Variants in ZNF207 observed in about 807,000 individuals in gnomAD.
ZNF207 encodes BUB3-interacting and GLEBS motif-containing protein ZNF207.
A neutral mutation model predicts 60.2 loss-of-function variants in ZNF207; 24 were observed. That is an observed-to-expected ratio of 0.40 (90% confidence interval 0.29 to 0.56). ZNF207 has a LOEUF of 0.56. ZNF207 is among the 20% of genes least tolerant of loss of function. The pLI is 0.49. For missense variants in ZNF207, 452 were observed against 636.6 expected (o/e 0.71, Z 3.12); for synonymous variants, 236 against 194.7 (o/e 1.21, Z -1.77).
At chr17:32,354,194 G>A (rs1205686384) in intron 2 of ZNF207, among the ~76,000 whole-genome samples, 3 of 152,102 alleles carry the variant, frequency 2.0e-5, no homozygotes, top group Non-Finnish European at 4.4e-5. Context: ...TGCACAGGCT[G>A]GTCGCCCAAC....
Position 32,361,513 on chromosome 17 carries a change from CAT to C in ZNF207, c.598_599del (p.Ile200AsnfsTer50). ...ACACCCAGTCATTTTGCGGTGAAAA[CAT>C]GTAAGCATCTCATTCATAATGTAAT... ...KYTQSFCGEN[I>X]MMPMGGMMPP... On this transcript the variant is annotated frameshift_variant and splice_region_variant, in exon 6 of 12. Transcript: ENST00000394670. LOFTEE classifies it high-confidence loss of function. 6.2e-7 allele frequency: 1 copy of C among 1,606,880 alleles called. No individual in the cohort carries two copies. The highest frequency in any genetic ancestry group is 8.5e-7 in the Non-Finnish European group (1 of 1,176,254).
At position 32,375,738 on chromosome 17, in the gene ZNF207, T is replaced by G. The variant is rs1421766075; in HGVS notation, c.*5979T>G. 3.3e-5 allele frequency: 5 copies of G among 152,154 alleles called. No individual in the cohort carries two copies. The highest frequency in any genetic ancestry group is 9.6e-5 in the African/African-American group (4 of 41,464). 9.4% of individuals were successfully genotyped at this position (152,154 alleles called of 1,614,324 possible). ...GACATGAATGTCTTTTTTAAAAGGT[T>G]GTCATTATTGACCTAATATTGAGTA... On this transcript the variant is annotated 3_prime_UTR_variant, in exon 12 of 12. Transcript: ENST00000394670.
rs1490007223 is a variant in ZNF207, at chr17:32,380,671, TGCAGTTTTTAAA to T, written c.*10925_*10936del. On this transcript the variant is annotated 3_prime_UTR_variant, in exon 12 of 12. Transcript: ENST00000394670. ...AGTGGTATTAACCCAATACTTGATTTGCAGTTTTTAAAGCAGTTTTTAAATTGAGAGAAAAGG... is the reference window on the plus strand; with the variant it reads ...AGTGGTATTAACCCAATACTTGATTTGCAGTTTTTAAATTGAGAGAAAAGG... 6.6e-6 allele frequency: 1 copy of T among 152,248 alleles called. No individual in the cohort carries two copies. Among genetic ancestry groups the T allele is most frequent in the Non-Finnish European group, 1.5e-5 (1 of 68,054 alleles). The allele number at this position is 152,248 out of a possible 1,614,324, so 9.4% of individuals were successfully genotyped here. A position where few individuals can be genotyped will look rare whatever the true frequency, so the allele number is the denominator to read the frequency against.
rs577028122 is a variant in ZNF207 at position 32,361,011 on chromosome 17, A to G, written c.551+44A>G. 4.4e-5 allele frequency: 70 copies of G among 1,587,776 alleles called. No homozygotes were observed. The South Asian group carries it at 7.7e-4, about 18-fold the overall frequency. On this transcript the variant is annotated intron_variant, in intron 5 of 11. Coordinates refer to ENST00000394670, the MANE Select transcript of ZNF207 (RefSeq NM_001098507.2). ...TTGCCCTGTAGGCTTGTGCCTAGTA[A>G]TGATCTTTTTCAATTTGGATGTTAT... is the stretch of plus-strand genomic sequence containing the variant.
intron 2 of ZNF207, 95 bp downstream of exon 2, chr17:32,352,007 G>A: frequency 5.4e-6 from 7 of 1,300,392 alleles, no homozygotes; most frequent in South Asian, 1.6e-5. Context: ...CGGTCTTGTC[G>A]CCCAAGCTGG....
chr17:32,358,942 G>T (rs2150792844), intron 3 of ZNF207, among the ~76,000 whole-genome samples: 1 of 152,112 alleles, frequency 6.6e-6, no homozygotes, highest in African/African-American at 2.4e-5. Flanking sequence ...TGGCACTACA[G>T]GCATGCACTA....
At chr17:32,355,933 CAGGG>C (rs1434076459) in intron 2 of ZNF207, among the ~76,000 whole-genome samples, 1 of 152,084 alleles carries the variant, frequency 6.6e-6, no homozygotes, top group Non-Finnish European at 1.5e-5. Context: ...TTTGAAGAGA[CAGGG>C]AGAGGAAGCG....
chr17:32,359,743 A>G (rs1215986831), intron 3 of ZNF207, among the ~76,000 whole-genome samples: 1 of 149,192 alleles, frequency 6.7e-6, no homozygotes, highest in African/African-American at 2.5e-5. Flanking sequence ...CTGTCTTTAC[A>G]AAAAAAAAAT....
chr17:32,364,361 CTTTTTTT>C (rs397858000), intron 7 of ZNF207, among the ~76,000 whole-genome samples: 1 of 137,384 alleles, frequency 7.3e-6, no homozygotes, highest in Non-Finnish European at 1.5e-5. Flanking sequence ...GTTTTTTTTT[CTTTTTTT>C]TTTTTTTGAG....
chr17:32,369,373 GTTGGACCAA>G lies in ZNF207; in HGVS notation c.1249_1257del (p.Pro417_Gly419del). The G allele has an allele frequency of 6.2e-7, 1 of 1,614,118 alleles. No individual in the cohort carries two copies. The highest frequency in any genetic ancestry group is 8.5e-7 in the Non-Finnish European group (1 of 1,180,018). On this transcript the variant is annotated inframe_deletion, in exon 11 of 12. Coordinates refer to ENST00000394670, the MANE Select transcript of ZNF207 (RefSeq NM_001098507.2). ...ACAGGCCCCCATCGGTAATCCACCA[GTTGGACCAA>G]TTGGAGGTATGATGCCACCACAGCC...
rs752616747 is a variant in ZNF207 at position 32,365,389 on chromosome 17, T to G, written c.730T>G (p.Ser244Ala). 10 of 1,614,132 alleles carry G rather than the reference T, an allele frequency of 6.2e-6. No homozygotes were observed. The highest frequency in any genetic ancestry group is 6.8e-6 in the Non-Finnish European group (8 of 1,180,018). Residue 244 changes from serine to alanine, a missense_variant, in exon 8 of 12, where the codon TCA (serine) becomes GCA (alanine). Physicochemically the swap from Ser to Ala is moderately conservative, Grantham distance 99. Coordinates refer to ENST00000394670, the MANE Select transcript of ZNF207 (RefSeq NM_001098507.2). Reference protein sequence around the residue: ...IPPMTQAQAVSAPGILNRPPA... With the variant: ...IPPMTQAQAVAAPGILNRPPA... ...TCCAATGACTCAAGCACAGGCTGTT[T>G]CAGCGCCAGGTATTCTTAATAGACC...
chr17:32,355,156 A>G (rs1904431451), intron 2 of ZNF207, among the ~76,000 whole-genome samples: 1 of 152,188 alleles, frequency 6.6e-6, no homozygotes, highest in African/African-American at 2.4e-5. Flanking sequence ...GCACTTTGGT[A>G]GGCCGAGATG....
intron 6 of ZNF207, among the ~76,000 whole-genome samples, chr17:32,361,958 T>C (rs2150796026): frequency 6.6e-6 from 1 of 152,312 alleles, no homozygotes; most frequent in Admixed American, 6.5e-5. Context: ...TATCATTTTT[T>C]AAGTGAATTG....
chr17:32,351,470 A>C (rs1485665528), intron 1 of ZNF207: 1 of 1,432,606 alleles, frequency 7.0e-7, no homozygotes, highest in Admixed American at 2.5e-5. Context: ...CTCAGTGTGC[A>C]TTTGTAAATG....
chr17:32,368,296 T>A, intron 10 of ZNF207: 1 of 411,080 alleles, frequency 2.4e-6, no homozygotes, highest in Non-Finnish European at 4.4e-6. Flanking sequence ...TCATTTTAGT[T>A]AAACATAAGT....
At chr17:32,359,367 T>C (rs1904728572) in intron 3 of ZNF207, among the ~76,000 whole-genome samples, 1 of 152,014 alleles carries the variant, frequency 6.6e-6, no homozygotes, top group Non-Finnish European at 1.5e-5. Flanking sequence ...CGCCTCGGCC[T>C]CCCAAAGTGC....
intron 1 of ZNF207, 142 bp from the exon 2 acceptor site, chr17:32,351,644 T>A (rs1432398897): frequency 6.4e-7 from 1 of 1,560,682 alleles, no homozygotes; most frequent in African/African-American, 1.4e-5. Flanking sequence ...AGTCCCTAAT[T>A]GTGTAATAAA....
intron 7 of ZNF207, among the ~76,000 whole-genome samples, chr17:32,363,630 C>G (rs145087582): frequency 0.026 from 3,596 of 135,952 alleles, 59 homozygotes; most frequent in Admixed American, 0.047. Flanking sequence ...TTCCGGGGTT[C>G]AAGTGATTCT....
intron 2 of ZNF207, 127 bp downstream of exon 2, chr17:32,352,039 C>T (rs1461002255): frequency 1.3e-5 from 11 of 821,346 alleles, no homozygotes; most frequent in Non-Finnish European, 1.6e-5. Context: ...GCAATCTCGG[C>T]CCACTGCAAC....
Sources: allele counts gnomAD v4.1 joint callset (sites outside exome capture counted in the v4.1 genomes callset), GRCh38; gene constraint gnomAD v4.1.1; transcripts MANE v1.5; gene names NCBI Gene and HGNC (gene_info 2026-07-23, HGNC 2026-07-21).